LSAMP: variants seen among roughly 807,000 people sequenced by gnomAD.
LSAMP encodes the protein limbic system associated membrane protein.
A neutral mutation model predicts 38.6 loss-of-function variants in LSAMP; 7 were observed. The ratio of observed to expected loss-of-function variants is 0.18; its 90% CI spans 0.10 to 0.34. The LOEUF (loss-of-function observed/expected upper bound fraction) is 0.34, where lower values mean the gene tolerates loss of function less well. Ranked by LOEUF, LSAMP falls within the 10% of genes least tolerant of loss-of-function variation. The pLI, the probability that LSAMP is intolerant of heterozygous loss-of-function variation, is 1.00. For synonymous variants in LSAMP, 154 were observed against 166.8 expected (o/e 0.92, Z 0.59); for missense variants, 313 against 420.0 (o/e 0.75, Z 2.23).
intron 1 of LSAMP, among the ~76,000 whole-genome samples, chr3:116,105,097 G>T: frequency 6.6e-6 from 1 of 151,992 alleles, no homozygotes; most frequent in South Asian, 2.1e-4. Context: ...AGTTTGACTT[G>T]GGTATAGGAT....
At chr3:115,878,883 T>G (rs1936254975) in intron 3 of LSAMP, among the ~76,000 whole-genome samples, 1 of 152,124 alleles carries the variant, frequency 6.6e-6, no homozygotes, top group Non-Finnish European at 1.5e-5. Context: ...ATAAAGGATA[T>G]GATAGATCTG....
chr3:116,003,498 A>G (rs980189815), intron 3 of LSAMP, among the ~76,000 whole-genome samples: 4 of 152,110 alleles, frequency 2.6e-5, no homozygotes, highest in Admixed American at 2.6e-4. Context: ...TTTATTCTTT[A>G]AAGCAGATTG....
intron 1 of LSAMP, among the ~76,000 whole-genome samples, chr3:116,138,251 A>G (rs892730647): frequency 3.3e-5 from 5 of 152,106 alleles, no homozygotes; most frequent in Admixed American, 2.6e-4. Context: ...TTCAACAAAC[A>G]TTCATTGAGC....
intron 6 of LSAMP, among the ~76,000 whole-genome samples, chr3:115,824,725 A>G (rs1349114712): frequency 1.3e-5 from 2 of 151,858 alleles, no homozygotes; most frequent in Admixed American, 6.6e-5. Context: ...AAAAAAAAAA[A>G]AAGAACTAGC....
chr3:115,915,267 T>C (rs1234480526), intron 3 of LSAMP, among the ~76,000 whole-genome samples: 4 of 152,230 alleles, frequency 2.6e-5, no homozygotes, highest in Non-Finnish European at 5.9e-5. Context: ...TCAGCTCACT[T>C]ATATTGGGCA....
At chr3:116,001,399 CAGAAAAGCTCA>C (rs1180780873) in intron 3 of LSAMP, among the ~76,000 whole-genome samples, 1 of 152,158 alleles carries the variant, frequency 6.6e-6, no homozygotes, top group African/African-American at 2.4e-5. Context: ...TATTTCCTTC[CAGAAAAGCTCA>C]AGCTAATTTT....
intron 1 of LSAMP, among the ~76,000 whole-genome samples, chr3:116,304,686 A>G (rs1358971061): frequency 1.3e-5 from 2 of 152,104 alleles, no homozygotes; most frequent in East Asian, 1.9e-4. Flanking sequence ...GCAGTTAGGG[A>G]AAATTAATTT....
intron 3 of LSAMP, among the ~76,000 whole-genome samples, chr3:115,875,987 G>T (rs1936170394): frequency 6.6e-6 from 1 of 151,858 alleles, no homozygotes; most frequent in South Asian, 2.1e-4. Context: ...TCCACAAACA[G>T]GTAATTGATT....
Position 116,444,867 on chromosome 3 carries a change from A to G in LSAMP, c.155+10T>C. 6.2e-7 allele frequency: 1 copy of G among 1,613,962 alleles called. No homozygotes were observed. Among genetic ancestry groups the G allele is most frequent in the Non-Finnish European group, 8.5e-7 (1 of 1,179,980 alleles). On this transcript the variant is annotated intron_variant, in intron 1 of 6. Coordinates refer to ENST00000490035, the MANE Select transcript of LSAMP (RefSeq NM_002338.5). ...ACGCGCGCAGCAGAAAAGTTGCCCG[A>G]AAGCCCTACCTGAGGATGGCTGTGT...
intron 3 of LSAMP, among the ~76,000 whole-genome samples, chr3:115,999,425 T>A (rs1317479860): frequency 6.6e-6 from 1 of 152,202 alleles, no homozygotes; most frequent in Non-Finnish European, 1.5e-5. Context: ...AAATAGCTAC[T>A]GTCCTTTCTG....
At chr3:116,386,005 T>C (rs139504263) in intron 1 of LSAMP, among the ~76,000 whole-genome samples, 1 of 152,078 alleles carries the variant, frequency 6.6e-6, no homozygotes, top group Non-Finnish European at 1.5e-5. Flanking sequence ...TAATTACTTA[T>C]GTATTATCTT....
intron 1 of LSAMP, among the ~76,000 whole-genome samples, chr3:116,331,604 C>A (rs1392599949): frequency 2.0e-5 from 3 of 152,022 alleles, no homozygotes; most frequent in Admixed American, 1.3e-4. Context: ...GAAACATGTC[C>A]AAATAAATGA....
In LSAMP at chr3:116,258,447, T is replaced by C. The variant is rs189195137; in HGVS notation, c.156-171891A>G. Reference sequence around the variant, plus strand: ...TAAAAATTAATGCTAGGCTAGTATATTAGAAACCCGTAATCTTTAAAGTAG... The same window carrying C: ...TAAAAATTAATGCTAGGCTAGTATACTAGAAACCCGTAATCTTTAAAGTAG... On this transcript the variant is annotated intron_variant, in intron 1 of 6. Coordinates refer to ENST00000490035, the MANE Select transcript of LSAMP (RefSeq NM_002338.5). 7.9e-3 allele frequency among the ~76,000 whole-genome samples: 1,203 copies of C among 152,136 alleles called. 13 individuals carry two copies. The highest frequency in any genetic ancestry group is 0.027 in the African/African-American group (1,129 of 41,552).
chr3:116,029,295 T>G (rs1260730542), intron 2 of LSAMP, among the ~76,000 whole-genome samples: 2 of 152,122 alleles, frequency 1.3e-5, no homozygotes, highest in Non-Finnish European at 2.9e-5. Flanking sequence ...AACATCAGCC[T>G]GTGGGGTCGG....
intron 3 of LSAMP, among the ~76,000 whole-genome samples, chr3:115,962,273 T>C (rs1938652443): frequency 6.6e-6 from 1 of 152,222 alleles, no homozygotes; most frequent in Non-Finnish European, 1.5e-5. Context: ...TTCATGTGCT[T>C]AGGCTCTGTT....
intron 1 of LSAMP, among the ~76,000 whole-genome samples, chr3:116,125,696 C>T (rs1424786039): frequency 1.3e-5 from 2 of 152,142 alleles, no homozygotes; most frequent in African/African-American, 4.8e-5. Flanking sequence ...GTTCTGACCT[C>T]ACCTTCAATC....
intron 1 of LSAMP, among the ~76,000 whole-genome samples, chr3:116,239,232 C>A (rs2046501632): frequency 6.6e-6 from 1 of 152,078 alleles, no homozygotes; most frequent in Non-Finnish European, 1.5e-5. Flanking sequence ...GTGTCCCAAT[C>A]AGTATATGCT....
At chr3:116,095,538 C>T (rs923263998) in intron 1 of LSAMP, among the ~76,000 whole-genome samples, 3 of 152,208 alleles carry the variant, frequency 2.0e-5, no homozygotes, top group African/African-American at 7.2e-5. Context: ...CAACAAACTC[C>T]CTTCCGGCAC....
rs76754079 is a variant in LSAMP at position 116,197,983 on chromosome 3, C to A, written c.156-111427G>T. On this transcript the variant is annotated intron_variant, in intron 1 of 6. Coordinates refer to ENST00000490035, the MANE Select transcript of LSAMP (RefSeq NM_002338.5). ...TCAAAGAAAGGCAGGTAGGTTACTG[C>A]ACAAAGAGAAACACTATGAGAAATG... is the stretch of plus-strand genomic sequence containing the variant. 8.3e-3 allele frequency among the ~76,000 whole-genome samples: 1,268 copies of A among 152,066 alleles called. 19 individuals are homozygous for A. The highest frequency in any genetic ancestry group is 0.029 in the African/African-American group (1,188 of 41,468).
Sources: allele counts gnomAD v4.1 joint callset (sites outside exome capture counted in the v4.1 genomes callset), GRCh38; gene constraint gnomAD v4.1.1; transcripts MANE v1.5; gene names NCBI Gene and HGNC (gene_info 2026-07-23, HGNC 2026-07-21).